KREMEN1: variants seen among roughly 807,000 people sequenced by gnomAD.
The protein encoded by KREMEN1 is kremen protein 1.
Under a neutral mutation model 46.5 loss-of-function variants are expected in KREMEN1, and 30 were observed. That is an observed-to-expected ratio of 0.65 (90% CI 0.48 to 0.88). The LOEUF is 0.88. Ranked by LOEUF, KREMEN1 falls within the 40% of genes least tolerant of loss-of-function variation. The pLI, the probability that KREMEN1 is intolerant of heterozygous loss-of-function variation, is 0.00. For synonymous variants in KREMEN1, 214 were observed against 230.6 expected (o/e 0.93, Z 0.65); for missense variants, 533 against 596.9 (o/e 0.89, Z 1.11).
At chr22:29,158,881 A>C (rs985967960) in intron 9 of KREMEN1, among the ~76,000 whole-genome samples, 1 of 151,102 alleles carries the variant, frequency 6.6e-6, no homozygotes, top group Non-Finnish European at 1.5e-5. Flanking sequence ...AGGCTGGCTC[A>C]CTGCTCAGCT....
Position 29,073,682 on chromosome 22 carries a change from C to A in KREMEN1, c.97+455C>A, listed in dbSNP as rs1258941189. Reference sequence around the variant, plus strand: ...CCCAGCGACTTCCCCCGGGCCGGGACGTCCTCTGCTCCCCGGTACCTCCTA... The same window carrying A: ...CCCAGCGACTTCCCCCGGGCCGGGAAGTCCTCTGCTCCCCGGTACCTCCTA... On this transcript the variant is annotated intron_variant, in intron 1 of 8. Transcript: ENST00000400335. The surrounding 1 kb of genome is among the most constrained non-coding windows in gnomAD (Gnocchi z 4.4). 6.7e-6 allele frequency among the ~76,000 whole-genome samples: 1 copy of A among 149,744 alleles called. No homozygotes were observed. The highest frequency in any genetic ancestry group is 1.5e-5 in the Non-Finnish European group (1 of 67,316).
Position 29,137,603 on chromosome 22 carries a change from TG to T in KREMEN1, c.895del (p.Asp299ThrfsTer43), listed in dbSNP as rs2038689541. 6.2e-7 allele frequency: 1 copy of T among 1,612,960 alleles called. No individual in the cohort carries two copies. The highest frequency in any genetic ancestry group is 8.5e-7 in the Non-Finnish European group (1 of 1,179,076). ...CCACCTCTGTCCTTCAACGTCTCTC[TG>T]GACTTCGTCATCTTGTATTTCTTCT... ...SRPPLSFNVS[L>X]DFVILYFFSD... is the part of the protein sequence containing the mutation. On this transcript the variant is annotated frameshift_variant, in exon 6 of 9. Transcript: ENST00000400335. LOFTEE classifies it high-confidence loss of function.
chr22:29,166,967 T>A, intron 9 of KREMEN1: 1 of 1,149,968 alleles, frequency 8.7e-7, no homozygotes, highest in Non-Finnish European at 1.3e-6. Context: ...ATCAGTCAAA[T>A]GCTTCTAACT....
At chr22:29,098,599 A>G (rs1334353921) in intron 2 of KREMEN1, among the ~76,000 whole-genome samples, 1 of 152,176 alleles carries the variant, frequency 6.6e-6, no homozygotes. Flanking sequence ...CATTTGTCCT[A>G]GTTATGCTAT....
chr22:29,157,096 A>G (rs1230528436), intron 9 of KREMEN1, among the ~76,000 whole-genome samples: 3 of 151,394 alleles, frequency 2.0e-5, no homozygotes, highest in Non-Finnish European at 1.5e-5. Flanking sequence ...ATATTGGAAA[A>G]CTCTTTCCAG....
At position 29,125,264 on chromosome 22, in the gene KREMEN1, T is replaced by G. The variant is rs775424604; in HGVS notation, c.479T>G (p.Phe160Cys). ...ISFCRSQRFK[F>C]AGMESGYACF... ...TGTGCTGCTTCTCTGTTGTGGCAGT[T>G]TGCTGGGATGGAGTCAGGCTATGCT... Residue 160 changes from phenylalanine (F) to cysteine (C), a missense_variant and splice_region_variant, in exon 5 of 9, where the codon TTT (phenylalanine) becomes TGT (cysteine). Physicochemically the swap from Phe to Cys is radical, Grantham distance 205. Coordinates refer to ENST00000400335, the MANE Select transcript of KREMEN1 (RefSeq NM_001039570.3). The G allele has an allele frequency of 6.2e-7, 1 of 1,614,036 alleles. No individual in the cohort carries two copies. Among genetic ancestry groups the G allele is most frequent in the Admixed American group, 1.7e-5 (1 of 60,000 alleles).
Position 29,144,154 on chromosome 22 carries a change from G to A in KREMEN1, c.*2042G>A. On this transcript the variant is annotated 3_prime_UTR_variant, in exon 9 of 9. Transcript: ENST00000400335. ...GGCCTGGGTGATTGTTGCGCCTCTG[G>A]CTTTGGCGTTTCCTCTTTGCAGCAC... 1 of 985,664 alleles carries A rather than the reference G, an allele frequency of 1.0e-6. No homozygotes were observed. Among genetic ancestry groups the A allele is most frequent in the Non-Finnish European group, 1.2e-6 (1 of 830,090 alleles). 61.1% of individuals were successfully genotyped at this position (985,664 alleles called of 1,614,324 possible).
chr22:29,076,682 C>T (rs934088670), intron 1 of KREMEN1, among the ~76,000 whole-genome samples: 3 of 152,144 alleles, frequency 2.0e-5, no homozygotes, highest in Non-Finnish European at 4.4e-5. Context: ...GAAACCCCAT[C>T]TCTACTAAAA....
At chr22:29,098,148 T>TCCAGC (rs1454526441) in intron 2 of KREMEN1, among the ~76,000 whole-genome samples, 10 of 151,024 alleles carry the variant, frequency 6.6e-5, no homozygotes, top group Non-Finnish European at 2.9e-5. Context: ...GCCACTGCAC[T>TCCAGC]CCAGCTCAGC....
chr22:29,158,436 G>A (rs535315485), intron 9 of KREMEN1, among the ~76,000 whole-genome samples: 5 of 152,290 alleles, frequency 3.3e-5, no homozygotes, highest in South Asian at 2.1e-4. Context: ...GAGAGGCGCC[G>A]ACATGGGGCA....
intron 3 of KREMEN1, among the ~76,000 whole-genome samples, chr22:29,119,992 A>G (rs2038305540): frequency 6.7e-6 from 1 of 150,330 alleles, no homozygotes; most frequent in South Asian, 2.1e-4. Context: ...GACAATGGAA[A>G]CAGAGGGAGG....
Position 29,146,318 on chromosome 22 carries a change from T to C in KREMEN1, c.*4206T>C. 2.0e-6 allele frequency: 2 copies of C among 985,956 alleles called. No homozygotes were observed. Among genetic ancestry groups the C allele is most frequent in the South Asian group, 9.4e-5 (2 of 21,288 alleles). The allele number at this position is 985,956 out of a possible 1,614,324, so 61.1% of individuals were successfully genotyped here. On this transcript the variant is annotated 3_prime_UTR_variant, in exon 9 of 9. Coordinates refer to ENST00000400335, the MANE Select transcript of KREMEN1 (RefSeq NM_001039570.3). ...CAGCCACAGCTGTCTCCCCTCAGGCTGGACGGCTCCGGGGTGACAGGGCTT... is the reference window on the plus strand; with the variant it reads ...CAGCCACAGCTGTCTCCCCTCAGGCCGGACGGCTCCGGGGTGACAGGGCTT...
chr22:29,160,034 G>T (rs529533948), intron 9 of KREMEN1, among the ~76,000 whole-genome samples: 1 of 152,144 alleles, frequency 6.6e-6, no homozygotes, highest in East Asian at 1.9e-4. Context: ...CTTAAACTCA[G>T]CACTTGACCA....
intron 9 of KREMEN1, among the ~76,000 whole-genome samples, chr22:29,166,402 C>T (rs942866463): frequency 6.6e-6 from 1 of 152,168 alleles, no homozygotes; most frequent in Non-Finnish European, 1.5e-5. Context: ...CTCCTCACAT[C>T]TGCTGGGACT....
intron 3 of KREMEN1, among the ~76,000 whole-genome samples, chr22:29,117,313 A>T (rs956557573): frequency 1.3e-5 from 2 of 152,246 alleles, no homozygotes; most frequent in Admixed American, 1.3e-4. Context: ...CACGCCTGTA[A>T]TCCCAGCACT....
chr22:29,132,841 CA>C (rs1288112299), intron 5 of KREMEN1, among the ~76,000 whole-genome samples: 4 of 152,194 alleles, frequency 2.6e-5, no homozygotes, highest in Non-Finnish European at 4.4e-5. Context: ...TTCAGTACTT[CA>C]AAGATATTGG....
Position 29,142,390 on chromosome 22 carries a change from G to C in KREMEN1, c.*278G>C. The C allele has an allele frequency of 8.9e-7, 1 of 1,126,376 alleles. No homozygotes were observed. 69.8% of individuals were successfully genotyped at this position (1,126,376 alleles called of 1,614,324 possible). ...TCTCTCTCTGATCTAGCTAGCAGTG[G>C]GGGTGTCAGGACAGTGAGGCTGAGA... On this transcript the variant is annotated 3_prime_UTR_variant, in exon 9 of 9. Transcript: ENST00000400335.
chr22:29,095,806 A>G (rs1468076165), intron 2 of KREMEN1, among the ~76,000 whole-genome samples: 1 of 151,978 alleles, frequency 6.6e-6, no homozygotes, highest in Non-Finnish European at 1.5e-5. Context: ...TCTTGTATCA[A>G]CTGACCATTC....
At chr22:29,126,419 G>A (rs193283028) in intron 5 of KREMEN1, among the ~76,000 whole-genome samples, 131 of 152,108 alleles carry the variant, frequency 8.6e-4, no homozygotes, top group Admixed American at 4.1e-3. Context: ...ACTTCTGGTG[G>A]TTGTCGGCGA....
Sources: gnomAD v4.1 joint callset for allele counts (sites outside exome capture counted in the v4.1 genomes callset) on GRCh38, gnomAD v4.1.1 for gene constraint, Gnocchi (gnomAD v3.1) non-coding constraint, MANE v1.5 for transcripts, NCBI Gene and HGNC (gene_info 2026-07-23, HGNC 2026-07-21) for gene names.